Variants in USP7 observed in about 807,000 individuals in gnomAD.
The protein encoded by USP7 is ubiquitin C-terminal hydrolase 7.
A neutral mutation model predicts 162.9 loss-of-function variants in USP7; 9 were observed. That is an observed-to-expected ratio of 0.06 (90% confidence interval 0.03 to 0.10). The LOEUF is 0.10. USP7 is among the 10% of genes least tolerant of loss of function. USP7 has a pLI of 1.00. For missense variants in USP7, 715 were observed against 1,373.7 expected, an observed-to-expected ratio of 0.52 and a Z score of 7.58; for synonymous variants, 562 against 475.9, an observed-to-expected ratio of 1.18 and a Z score of -2.35.
rs1408013120 is a variant in USP7 at position 8,902,490 on chromosome 16, A to G, written c.1840-8T>C. 1.9e-6 allele frequency: 3 copies of G among 1,612,514 alleles called. No homozygotes were observed. Among genetic ancestry groups the G allele is most frequent in the Non-Finnish European group, 2.5e-6 (3 of 1,179,274 alleles). On this transcript the variant is annotated splice_region_variant and splice_polypyrimidine_tract_variant and intron_variant, in intron 16 of 30. Transcript: ENST00000344836. ...TTGATCTTGTGGAAATCCCTGAAAA[A>G]AATATTAAGAGTAGATTAAAATAAA...
In USP7 at chr16:8,963,235, C is replaced by T. The variant is rs1900093772; in HGVS notation, c.51G>A (p.Leu17=). 3 of 1,404,344 alleles carry T rather than the reference C, an allele frequency of 2.1e-6. No individual in the cohort carries two copies. Among genetic ancestry groups the T allele is most frequent in the African/African-American group, 3.0e-5 (2 of 66,094 alleles). 87.0% of individuals were successfully genotyped at this position (1,404,344 alleles called of 1,614,324 possible). A position where few individuals can be genotyped will look rare whatever the true frequency, so the allele number is the denominator to read the frequency against. ...QQQQKAGEQQ[L]SEPEDMEMEA... ...CCATCTCCATGTCCTCGGGCTCGCT[C>T]AACTGCTGCTCGCCCGCTTTCTGCT... The change falls in exon 1 of 31, where the codon TTG becomes TTA. Residue 17 remains leucine, a synonymous_variant. Coordinates refer to ENST00000344836, the MANE Select transcript of USP7 (RefSeq NM_003470.3).
At chr16:8,947,207 A>G (rs138732932) in intron 1 of USP7, among the ~76,000 whole-genome samples, 1 of 151,890 alleles carries the variant, frequency 6.6e-6, no homozygotes, top group African/African-American at 2.4e-5. Flanking sequence ...ACAATAAAGA[A>G]ATTTACAAAA....
intron 10 of USP7, among the ~76,000 whole-genome samples, chr16:8,912,653 CAG>C (rs953293102): frequency 8.6e-5 from 13 of 151,580 alleles, no homozygotes; most frequent in Non-Finnish European, 1.8e-4. Flanking sequence ...AGAAGAGACA[CAG>C]GGCTGGGCAT....
At chr16:8,948,128 G>A (rs1413365752) in intron 1 of USP7, among the ~76,000 whole-genome samples, 2 of 152,176 alleles carry the variant, frequency 1.3e-5, no homozygotes, top group East Asian at 1.9e-4. Flanking sequence ...ACTGTGGCCT[G>A]TAAAATCCCA....
At chr16:8,918,428 T>C (rs1040991979) in intron 6 of USP7, among the ~76,000 whole-genome samples, 11 of 152,238 alleles carry the variant, frequency 7.2e-5, no homozygotes, top group Non-Finnish European at 8.8e-5. Context: ...AGTTTTTATA[T>C]AAAACTTTGC....
chr16:8,950,293 G>T (rs946494154), intron 1 of USP7, among the ~76,000 whole-genome samples: 2 of 151,940 alleles, frequency 1.3e-5, no homozygotes, highest in Non-Finnish European at 2.9e-5. Flanking sequence ...AGACACAACA[G>T]ACATTTTCTG....
chr16:8,899,109 C>T lies in USP7; in HGVS notation c.2531+12G>A. The T allele has an allele frequency of 6.2e-7, 1 of 1,614,132 alleles. No homozygotes were observed. The highest frequency in any genetic ancestry group is 8.5e-7 in the Non-Finnish European group (1 of 1,179,980). ...AGTCAAGACCAAGCAAGTGTCCACA[C>T]ATGTGACCTACCCTTGAGACTTGAA... is the stretch of plus-strand genomic sequence containing the variant. On this transcript the variant is annotated intron_variant, in intron 23 of 30. Coordinates refer to ENST00000344836, the MANE Select transcript of USP7 (RefSeq NM_003470.3).
chr16:8,894,988 C>T, intron 28 of USP7, 43 bp downstream of exon 28: 1 of 1,613,898 alleles, frequency 6.2e-7, no homozygotes, highest in Non-Finnish European at 8.5e-7. Flanking sequence ...CTCAAAGGCT[C>T]CAGGTTTTGA....
At chr16:8,911,336 CG>C (rs1234072293) in intron 10 of USP7, among the ~76,000 whole-genome samples, 9 of 152,266 alleles carry the variant, frequency 5.9e-5, no homozygotes, top group African/African-American at 2.2e-4. Context: ...AATAGTAAAA[CG>C]TAACAATTTT....
chr16:8,897,163 GAAGAGAGGAGA>G, intron 25 of USP7, 64 bp from the exon 26 acceptor site: 1 of 1,260,524 alleles, frequency 7.9e-7, no homozygotes, highest in Non-Finnish European at 1.2e-6. Flanking sequence ...TACCACAAAG[GAAGAGAGGAGA>G]AAGTTGCATC....
chr16:8,955,298 G>A (rs1338800952), intron 1 of USP7, among the ~76,000 whole-genome samples: 1 of 152,194 alleles, frequency 6.6e-6, no homozygotes, highest in Non-Finnish European at 1.5e-5. Context: ...AGGCTAGAGT[G>A]CAGTGATGCA....
intron 22 of USP7, 163 bp from the exon 23 acceptor site, chr16:8,899,351 G>A (rs1760628128): frequency 2.6e-6 from 2 of 756,182 alleles, no homozygotes; most frequent in Admixed American, 5.5e-5. Flanking sequence ...GAATCACCAT[G>A]GGAGTAGCAT....
At chr16:8,901,991 G>T in intron 18 of USP7, 91 bp downstream of exon 18, 1 of 1,055,274 alleles carries the variant, frequency 9.5e-7, no homozygotes, top group Non-Finnish European at 1.4e-6. Context: ...TTCTGCAAGG[G>T]AAGAAGGCTT....
chr16:8,945,110 G>A (rs1029693920), intron 1 of USP7, among the ~76,000 whole-genome samples: 3 of 152,204 alleles, frequency 2.0e-5, no homozygotes, highest in African/African-American at 7.2e-5. Context: ...ACAGAAATTA[G>A]CTGGGTGTGG....
rs184821596 is a variant in USP7 at position 8,930,731 on chromosome 16, G to A, written c.80-334C>T. Among the ~76,000 whole-genome samples, 35 of 152,280 alleles carry A rather than the reference G, an allele frequency of 2.3e-4. 1 individual carries two copies. Among genetic ancestry groups the A allele is most frequent in the Admixed American group, 1.8e-3 (28 of 15,302 alleles). ...TGCCTGTAATCCTAGCATTTTGAGA[G>A]GCCAAGGCGGACAGATCACCTGAGG... is the stretch of plus-strand genomic sequence containing the variant. On this transcript the variant is annotated intron_variant, in intron 1 of 30. Transcript: ENST00000344836.
intron 1 of USP7, among the ~76,000 whole-genome samples, chr16:8,945,773 G>A (rs1338773975): frequency 6.6e-6 from 1 of 151,974 alleles, no homozygotes; most frequent in Non-Finnish European, 1.5e-5. Flanking sequence ...AGATCCACTG[G>A]GTGTGGTGGC....
chr16:8,902,002 A>C (rs2061782322), intron 18 of USP7, 80 bp downstream of exon 18: 1 of 1,197,514 alleles, frequency 8.4e-7, no homozygotes, highest in Non-Finnish European at 1.2e-6. Flanking sequence ...AAGAAGGCTT[A>C]ACCCTGTGTG....
At chr16:8,900,803 G>T (rs2061761824) in intron 20 of USP7, 173 bp from the exon 21 acceptor site, 1 of 715,652 alleles carries the variant, frequency 1.4e-6, no homozygotes, top group Non-Finnish European at 2.3e-6. Flanking sequence ...GTAACAATCA[G>T]ATTTGATTCT....
rs987133148 is a variant in USP7, at chr16:8,916,644, G to C, written c.852-88C>G. ...TAACTTAGATTGAAAACCTAAACTG[G>C]ATAATCAGCTATTATTCTCAAATTC... On this transcript the variant is annotated intron_variant, in intron 7 of 30. Transcript: ENST00000344836. The C allele has an allele frequency of 1.3e-5, 16 of 1,259,652 alleles. No homozygotes were observed. The Admixed American group carries it at 3.7e-4, about 29-fold the overall frequency. The allele number at this position is 1,259,652 out of a possible 1,614,324, so 78.0% of individuals were successfully genotyped here.
Sources: allele counts gnomAD v4.1 joint callset (sites outside exome capture counted in the v4.1 genomes callset), GRCh38; gene constraint gnomAD v4.1.1; transcripts MANE v1.5; gene names NCBI Gene and HGNC (gene_info 2026-07-23, HGNC 2026-07-21).